Variants in PCDHA6 observed in about 807,000 individuals in gnomAD.
The protein encoded by PCDHA6 is protocadherin alpha-6.
A neutral mutation model predicts 60.3 loss-of-function variants in PCDHA6; 55 were observed. The ratio of observed to expected loss-of-function variants is 0.91; its 90% CI spans 0.73 to 1.14. The LOEUF (loss-of-function observed/expected upper bound fraction) is 1.14, where lower values mean the gene tolerates loss of function less well. PCDHA6 is among the 50% of genes most tolerant of loss of function. PCDHA6 has a pLI of 0.00. For synonymous variants in PCDHA6, 652 were observed against 557.9 expected, an observed-to-expected ratio of 1.17 and a Z score of -2.38; for missense variants, 1,327 against 1,256.5, an observed-to-expected ratio of 1.06 and a Z score of -0.85.
chr5:140,863,219 G>T, intron 1 of PCDHA6: 1 of 1,108,786 alleles, frequency 9.0e-7, no homozygotes. Flanking sequence ...AGCCAAGCGA[G>T]GAAGGTCCCA....
intron 3 of PCDHA6, among the ~76,000 whole-genome samples, chr5:141,009,130 G>A (rs1395175038): frequency 2.0e-5 from 3 of 152,188 alleles, no homozygotes; most frequent in African/African-American, 7.2e-5. Flanking sequence ...TGGTATCCTG[G>A]TGAAAAAACC....
At chr5:140,996,596 C>G (rs1343501273) in intron 3 of PCDHA6, among the ~76,000 whole-genome samples, 1 of 152,156 alleles carries the variant, frequency 6.6e-6, no homozygotes. Flanking sequence ...CCGCCTCCCC[C>G]CATTTTCATT....
chr5:140,835,664 G>C, intron 1 of PCDHA6: 7 of 1,613,934 alleles, frequency 4.3e-6, no homozygotes, highest in Non-Finnish European at 5.9e-6. Flanking sequence ...TGGTTACCGC[G>C]CGGGACGGGG....
At chr5:140,954,476 G>C (rs1467215585) in intron 1 of PCDHA6, among the ~76,000 whole-genome samples, 1 of 152,192 alleles carries the variant, frequency 6.6e-6, no homozygotes, top group Non-Finnish European at 1.5e-5. Context: ...ACTGGTGTGA[G>C]AAGATATTTC....
intron 1 of PCDHA6, chr5:140,969,574 G>T (rs948199454): frequency 1.0e-6 from 1 of 983,446 alleles, no homozygotes; most frequent in Non-Finnish European, 1.5e-6. Context: ...TGTTTGAGAA[G>T]TGAGGATTAG....
At chr5:140,966,972 T>G (rs1554229007) in intron 1 of PCDHA6, 1 of 1,602,828 alleles carries the variant, frequency 6.2e-7, no homozygotes, top group African/African-American at 1.3e-5. Flanking sequence ...GGGCTTGAGC[T>G]GCGGCGCTTG....
chr5:140,927,702 C>A lies in PCDHA6; in HGVS notation c.2395-51247C>A, dbSNP rs533775539. ...AAGGGTCCAATGGGGAAGTCCAGTACTCCCTAAGCAACAGCACGCAAGCAG... is the reference window on the plus strand; with the variant it reads ...AAGGGTCCAATGGGGAAGTCCAGTAATCCCTAAGCAACAGCACGCAAGCAG... On this transcript the variant is annotated intron_variant, in intron 1 of 3. Coordinates refer to ENST00000529310, the MANE Select transcript of PCDHA6 (RefSeq NM_018909.4). 6.8e-6 allele frequency: 11 copies of A among 1,614,092 alleles called. 1 individual carries two copies. The South Asian group carries it at 1.2e-4, about 18-fold the overall frequency.
In PCDHA6 at chr5:140,877,126, C is replaced by G. The variant is rs781947378; in HGVS notation, c.2394+46641C>G. 10 of 1,613,632 alleles carry G rather than the reference C, an allele frequency of 6.2e-6. No homozygotes were observed. The African/African-American group carries it at 1.3e-4, about 22-fold the overall frequency. On this transcript the variant is annotated intron_variant, in intron 1 of 3. Transcript: ENST00000529310. ...GCCTCTGGGCAGCAACGTGACGCTG[C>G]AGGTGTTCGTGCTGGACGAGAACGA... is the stretch of plus-strand genomic sequence containing the variant.
chr5:140,941,316 T>C (rs1479003076), intron 1 of PCDHA6, among the ~76,000 whole-genome samples: 1 of 135,480 alleles, frequency 7.4e-6, no homozygotes, highest in African/African-American at 2.7e-5. Flanking sequence ...TTTTCTTCTT[T>C]CTCTTTTTTT....
intron 1 of PCDHA6, among the ~76,000 whole-genome samples, chr5:140,948,544 G>A (rs2094271073): frequency 1.3e-5 from 2 of 151,392 alleles, no homozygotes; most frequent in Admixed American, 1.3e-4. Flanking sequence ...TTCATGCTCT[G>A]TCAATTTTGT....
chr5:140,834,409 C>T (rs2150217049), intron 1 of PCDHA6: 3 of 1,610,410 alleles, frequency 1.9e-6, no homozygotes, highest in African/African-American at 2.7e-5. Context: ...GGATACGACC[C>T]AGGGGGCCGA....
chr5:140,895,021 G>T (rs956122734), intron 1 of PCDHA6, among the ~76,000 whole-genome samples: 3 of 151,838 alleles, frequency 2.0e-5, no homozygotes, highest in Non-Finnish European at 4.4e-5. Context: ...TTTTTCCTTT[G>T]TTTAATTGTC....
At chr5:140,911,189 A>T (rs1369810973) in intron 1 of PCDHA6, among the ~76,000 whole-genome samples, 1 of 152,126 alleles carries the variant, frequency 6.6e-6, no homozygotes, top group African/African-American at 2.4e-5. Flanking sequence ...TGGGTTGGGG[A>T]GGACATGTTG....
rs781872854 is a variant in PCDHA6 at position 140,856,136 on chromosome 5, C to T, written c.2394+25651C>T. On this transcript the variant is annotated intron_variant, in intron 1 of 3. Coordinates refer to ENST00000529310, the MANE Select transcript of PCDHA6 (RefSeq NM_018909.4). ...AGCCTGGGAGGTGGGGAGCGGCCAGCTCCACTACTCAGTCTACGAGGAGGC... is the reference window on the plus strand; with the variant it reads ...AGCCTGGGAGGTGGGGAGCGGCCAGTTCCACTACTCAGTCTACGAGGAGGC... 28 of 1,598,232 alleles carry T rather than the reference C, an allele frequency of 1.8e-5. 1 individual carries two copies. Among genetic ancestry groups the T allele is most frequent in the Non-Finnish European group, 2.4e-5 (28 of 1,167,860 alleles).
intron 3 of PCDHA6, among the ~76,000 whole-genome samples, chr5:141,006,206 AT>A (rs1178693799): frequency 1.4e-5 from 2 of 147,854 alleles, no homozygotes. Flanking sequence ...GTTATGCCTC[AT>A]TTTTTTTTAA....
chr5:141,005,164 G>A (rs782398186), intron 3 of PCDHA6, among the ~76,000 whole-genome samples: 2 of 152,178 alleles, frequency 1.3e-5, no homozygotes, highest in Non-Finnish European at 2.9e-5. Context: ...TAAAGAGTGG[G>A]TACCACTTTC....
At position 140,903,816 on chromosome 5, in the gene PCDHA6, C is replaced by T. The variant is rs963125816; in HGVS notation, c.2394+73331C>T. On this transcript the variant is annotated intron_variant, in intron 1 of 3. Coordinates refer to ENST00000529310, the MANE Select transcript of PCDHA6 (RefSeq NM_018909.4). ...TTGTAATTGACAAGTATAGTTCTCACATGAATGTCTGTTGGTATTTTCATT... is the reference window on the plus strand; with the variant it reads ...TTGTAATTGACAAGTATAGTTCTCATATGAATGTCTGTTGGTATTTTCATT... Among the ~76,000 whole-genome samples, 7 of 152,190 alleles carry T rather than the reference C, an allele frequency of 4.6e-5. 1 individual carries two copies. The highest frequency in any genetic ancestry group is 2.6e-4 in the Admixed American group (4 of 15,282).
At chr5:140,935,592 T>C (rs1554210581) in intron 1 of PCDHA6, among the ~76,000 whole-genome samples, 1 of 152,252 alleles carries the variant, frequency 6.6e-6, no homozygotes, top group East Asian at 1.9e-4. Context: ...ACCAGCTAGA[T>C]ACAGAGCTAG....
rs781941183 is a variant in PCDHA6, at chr5:140,884,613, C to T, written c.2394+54128C>T. On this transcript the variant is annotated intron_variant, in intron 1 of 3. Transcript: ENST00000529310. ...CCCAGCCTTCCTCCTTGTCTGGGTT[C>T]TGCAGAGGGAACAGGCCAGAGGGAG... 3 of 1,614,086 alleles carry T rather than the reference C, an allele frequency of 1.9e-6. No individual in the cohort carries two copies. The South Asian group carries it at 3.3e-5, about 18-fold the overall frequency.
Sources: gnomAD v4.1 joint callset for allele counts (sites outside exome capture counted in the v4.1 genomes callset) on GRCh38, gnomAD v4.1.1 for gene constraint, MANE v1.5 for transcripts, NCBI Gene and HGNC (gene_info 2026-07-23, HGNC 2026-07-21) for gene names.